The following CAMK2D variants were observed in gnomAD, a reference collection of about 807,000 sequenced individuals.
CAMK2D encodes calcium/calmodulin-dependent protein kinase type II subunit delta.
In CAMK2D, 37 loss-of-function variants were observed where a neutral mutation model predicts 84.0. That is an observed-to-expected ratio of 0.44 (90% CI 0.34 to 0.58). The LOEUF (loss-of-function observed/expected upper bound fraction) is 0.58, where lower values mean the gene tolerates loss of function less well. Ranked by LOEUF, CAMK2D falls within the 20% of genes least tolerant of loss-of-function variation. The probability of loss-of-function intolerance (pLI) is 0.02; values close to 1 mark genes in which losing one functional copy is unlikely to be tolerated. For synonymous variants in CAMK2D, 202 were observed against 212.5 expected (o/e 0.95, Z 0.43); for missense variants, 448 against 652.5 (o/e 0.69, Z 3.41).
intron 3 of CAMK2D, among the ~76,000 whole-genome samples, chr4:113,656,068 T>C (rs936899555): frequency 6.6e-6 from 1 of 152,152 alleles, no homozygotes; most frequent in Non-Finnish European, 1.5e-5. Context: ...ATTTCTGGCT[T>C]ACAACAAATT....
At chr4:113,555,295 G>A (rs986904005) in intron 4 of CAMK2D, among the ~76,000 whole-genome samples, 3 of 152,184 alleles carry the variant, frequency 2.0e-5, no homozygotes, top group East Asian at 1.9e-4. Context: ...CAGTGCTCGA[G>A]GTGGTGGGGG....
chr4:113,717,666 G>C (rs1276366306), intron 2 of CAMK2D, among the ~76,000 whole-genome samples: 1 of 152,018 alleles, frequency 6.6e-6, no homozygotes, highest in East Asian at 1.9e-4. Flanking sequence ...CAAAGATGGT[G>C]GAGAGAGTTG....
At position 113,537,446 on chromosome 4, in the gene CAMK2D, T is replaced by A; in HGVS notation, c.415-3A>T. 1 of 1,570,128 alleles carries A rather than the reference T, an allele frequency of 6.4e-7. No individual in the cohort carries two copies. ...CTAGCTAAAAGCAAATTCTCAGGCT[T>A]TATTTAGAAAGAAAAAAAAAGAGAC... On this transcript the variant is annotated splice_polypyrimidine_tract_variant and splice_region_variant and intron_variant, in intron 6 of 20. Transcript: ENST00000511664.
At chr4:113,456,369 C>T (rs543140339) in intron 19 of CAMK2D, among the ~76,000 whole-genome samples, 4 of 152,290 alleles carry the variant, frequency 2.6e-5, no homozygotes, top group Admixed American at 1.3e-4. Flanking sequence ...TTCTTGTTTT[C>T]ATCTCACTCC....
At chr4:113,636,321 C>T (rs2099109630) in intron 3 of CAMK2D, among the ~76,000 whole-genome samples, 1 of 152,188 alleles carries the variant, frequency 6.6e-6, no homozygotes, top group Admixed American at 6.5e-5. Flanking sequence ...GTTCTATTTC[C>T]ATTGCTGCTA....
intron 3 of CAMK2D, among the ~76,000 whole-genome samples, chr4:113,620,516 T>G (rs992576911): frequency 6.6e-6 from 1 of 151,760 alleles, no homozygotes; most frequent in Non-Finnish European, 1.5e-5. Flanking sequence ...CAAGAGTTTT[T>G]TTTTTTTTTT....
intron 2 of CAMK2D, among the ~76,000 whole-genome samples, chr4:113,750,748 C>A (rs1205799564): frequency 6.6e-6 from 1 of 152,160 alleles, no homozygotes; most frequent in African/African-American, 2.4e-5. Flanking sequence ...GAGTAGCTCA[C>A]GCCTGTAATC....
intron 2 of CAMK2D, among the ~76,000 whole-genome samples, chr4:113,736,230 A>T (rs1288805165): frequency 6.6e-6 from 1 of 151,892 alleles, no homozygotes; most frequent in Non-Finnish European, 1.5e-5. Flanking sequence ...AAGACATCCA[A>T]CTTACTCCAA....
At chr4:113,684,955 A>G (rs1207873696) in intron 2 of CAMK2D, among the ~76,000 whole-genome samples, 1 of 152,156 alleles carries the variant, frequency 6.6e-6, no homozygotes, top group African/African-American at 2.4e-5. Context: ...GCTGCTCCTC[A>G]TCTCTCCCTG....
At chr4:113,492,352 C>T (rs1050577020) in intron 16 of CAMK2D, among the ~76,000 whole-genome samples, 189 of 152,182 alleles carry the variant, frequency 1.2e-3, no homozygotes, top group African/African-American at 3.7e-3. Flanking sequence ...TCTTTGTTCT[C>T]GTTGGTTTCA....
chr4:113,511,367 A>ATGAG (rs1382879496), intron 12 of CAMK2D, among the ~76,000 whole-genome samples: 8 of 152,188 alleles, frequency 5.3e-5, no homozygotes, highest in African/African-American at 1.9e-4. Context: ...CATATTAGTC[A>ATGAG]TGAGTTTTTA....
chr4:113,731,731 G>A (rs1593756557), intron 2 of CAMK2D, among the ~76,000 whole-genome samples: 3 of 151,926 alleles, frequency 2.0e-5, no homozygotes, highest in African/African-American at 4.8e-5. Context: ...GACTACAGGC[G>A]CGCGCCACTA....
At chr4:113,735,235 T>C (rs1312082687) in intron 2 of CAMK2D, among the ~76,000 whole-genome samples, 1 of 138,820 alleles carries the variant, frequency 7.2e-6, no homozygotes, top group Non-Finnish European at 1.5e-5. Flanking sequence ...GTGGATCACT[T>C]GAGCTCAAGA....
intron 2 of CAMK2D, among the ~76,000 whole-genome samples, chr4:113,741,746 G>A (rs1268714323): frequency 6.6e-6 from 1 of 152,012 alleles, no homozygotes; most frequent in Non-Finnish European, 1.5e-5. Context: ...TCCTTAACTT[G>A]GCTAAAAGAC....
At chr4:113,474,498 C>CTTTT (rs70961831) in intron 16 of CAMK2D, among the ~76,000 whole-genome samples, 5 of 89,840 alleles carry the variant, frequency 5.6e-5, no homozygotes, top group South Asian at 4.0e-4. Flanking sequence ...CCTTTTTGGC[C>CTTTT]TTTTTTTTTT....
At chr4:113,538,661 C>A (rs137858629) in intron 6 of CAMK2D, among the ~76,000 whole-genome samples, 1 of 152,118 alleles carries the variant, frequency 6.6e-6, no homozygotes, top group African/African-American at 2.4e-5. Context: ...AAATTTTTCC[C>A]ACTGAATTTG....
intron 1 of CAMK2D, among the ~76,000 whole-genome samples, chr4:113,760,676 C>A (rs2099639267): frequency 6.6e-6 from 1 of 152,274 alleles, no homozygotes; most frequent in East Asian, 1.9e-4. Context: ...ACATTACACA[C>A]AGGCGCGCGC....
At chr4:113,682,455 A>G (rs1233903668) in intron 2 of CAMK2D, among the ~76,000 whole-genome samples, 1 of 151,844 alleles carries the variant, frequency 6.6e-6, no homozygotes, top group East Asian at 1.9e-4. Flanking sequence ...CACCATTTTT[A>G]TGCATTTCCA....
At chr4:113,708,380 A>G (rs1226113311) in intron 2 of CAMK2D, among the ~76,000 whole-genome samples, 3 of 152,204 alleles carry the variant, frequency 2.0e-5, no homozygotes, top group Non-Finnish European at 4.4e-5. Flanking sequence ...ACAATTCTCA[A>G]GAACTGGGCT....
Sources: gnomAD v4.1 joint callset for allele counts (sites outside exome capture counted in the v4.1 genomes callset) on GRCh38, gnomAD v4.1.1 for gene constraint, MANE v1.5 for transcripts, NCBI Gene and HGNC (gene_info 2026-07-23, HGNC 2026-07-21) for gene names.